CPSF1: variants seen among roughly 807,000 people sequenced by gnomAD.
CPSF1 encodes the protein cleavage and polyadenylation specific factor 1.
In CPSF1, 106 loss-of-function variants were observed where a neutral mutation model predicts 175.8. The ratio of observed to expected loss-of-function variants is 0.60; its 90% CI spans 0.52 to 0.71. CPSF1 has a LOEUF of 0.71. Among genes scored for constraint, CPSF1 ranks in the 30% least tolerant of loss-of-function variants. CPSF1 has a pLI of 0.00. For missense variants in CPSF1, 1,734 were observed against 2,022.9 expected, an observed-to-expected ratio of 0.86 and a Z score of 2.74; for synonymous variants, 1,024 against 858.3, an observed-to-expected ratio of 1.19 and a Z score of -3.37.
At chr8:144,407,217 CT>C (rs2116907794) in intron 2 of CPSF1, among the ~76,000 whole-genome samples, 414 of 138,300 alleles carry the variant, frequency 3.0e-3, no homozygotes, top group Non-Finnish European at 3.0e-3. Context: ...CGTGCCTGGC[CT>C]TTTTTTTTTT....
chr8:144,399,799 G>A lies in CPSF1; in HGVS notation c.1101C>T (p.Ala367=), dbSNP rs1554865731. The stretch of plus-strand genomic sequence containing the variant: ...AACTCACGCTGGTGGTGAGGACGCT[G>A]GCGGCCGCCTTGTCAAAGTGGAACG... ...VRAFHFDKAA[A]SVLTTSMVTM... is the part of the protein sequence containing the mutation. Residue 367 remains alanine (A), a synonymous_variant, in exon 11 of 38, where the codon GCC becomes GCT. Coordinates refer to ENST00000616140, the MANE Select transcript of CPSF1 (RefSeq NM_013291.3). This position sits in a 1 kb window ranked among gnomAD's most constrained non-coding sequence, Gnocchi z 6.4. 6.4e-7 allele frequency: 1 copy of A among 1,565,252 alleles called. No homozygotes were observed. Among genetic ancestry groups the A allele is most frequent in the South Asian group, 1.2e-5 (1 of 85,492 alleles).
chr8:144,397,138 C>A, intron 23 of CPSF1, 69 bp downstream of exon 23: 7 of 857,884 alleles, frequency 8.2e-6, no homozygotes, highest in Middle Eastern at 5.2e-4. Flanking sequence ...CGGGAAGGGG[C>A]GGGGCTGTGG....
intron 9 of CPSF1, 31 bp downstream of exon 9, chr8:144,400,135 G>GGGGGGGGCCCCCCCCCCCC: frequency 1.0e-5 from 9 of 895,994 alleles, no homozygotes; most frequent in Non-Finnish European, 1.4e-5. Context: ...CCGTCCCCGG[G>GGGGGGGGCCCCCCCCCCCC]CCCCCCCCGC....
rs1554862318 is a variant in CPSF1, at chr8:144,393,719, C to G, written c.4093G>C (p.Ala1365Pro). 6.4e-7 allele frequency: 1 copy of G among 1,569,648 alleles called. No homozygotes were observed. The highest frequency in any genetic ancestry group is 8.6e-7 in the Non-Finnish European group (1 of 1,164,484). The change falls in exon 36 of 38, where the codon GCG (alanine) becomes CCG (proline). Residue 1365 changes from alanine to proline, a missense_variant. Around this residue, in one of 10 missense-constraint regions of CPSF1, gnomAD observed 323 missense variants for 338.5 expected, o/e 0.95. Coordinates refer to ENST00000616140, the MANE Select transcript of CPSF1 (RefSeq NM_013291.3). ...TGGTGTGGCAGCATGGTGGTCAGCG[C>G]GTTCTGCAGCATCAGCAGCCGCCGG... The part of the protein sequence containing the change: ...TYRRLLMLQN[A>P]LTTMLPHHAG...
chr8:144,398,494 C>CAGGTCCCAGGTCCA, intron 18 of CPSF1, 31 bp downstream of exon 18: 1 of 1,611,298 alleles, frequency 6.2e-7, no homozygotes, highest in Non-Finnish European at 8.5e-7. Context: ...ACCCCAGCCC[C>CAGGTCCCAGGTCCA]AGGTCCCAGG....
rs376816034 is a variant in CPSF1 at position 144,397,264 on chromosome 8, G to A, written c.2535C>T (p.Leu845=). 7.7e-5 allele frequency: 120 copies of A among 1,550,044 alleles called. No individual in the cohort carries two copies. The East Asian group carries it at 9.7e-4, about 13-fold the overall frequency. ...GCGCCACCAGCAGCACCTCCTTGACGAGGGGCAGCTCCCCCTGGCGCGTGG... is the reference window on the plus strand; with the variant it reads ...GCGCCACCAGCAGCACCTCCTTGACAAGGGGCAGCTCCCCCTGGCGCGTGG... The part of the protein sequence containing the change: ...EEATRQGELP[L]VKEVLLVALG... Residue 845 remains leucine (L), a synonymous_variant, in exon 23 of 38, where the codon CTC becomes CTT. Coordinates refer to ENST00000616140, the MANE Select transcript of CPSF1 (RefSeq NM_013291.3).
Position 144,400,796 on chromosome 8 carries a change from G to A in CPSF1, c.561C>T (p.Pro187=), listed in dbSNP as rs2116878391. 6.2e-7 allele frequency: 1 copy of A among 1,613,790 alleles called. No homozygotes were observed. Among genetic ancestry groups the A allele is most frequent in the South Asian group, 1.1e-5 (1 of 91,036 alleles). ...GGGCCCGCACGTCGATGATGTAGCT[G>A]GGCAGGAAGCTGGACCTCTGCCTGG... ...VGEGQRSSFL[P]SYIIDVRALD... is the part of the protein sequence containing the mutation. The change falls in exon 7 of 38, where the codon CCC becomes CCT. Residue 187 remains proline (P), a synonymous_variant. Transcript: ENST00000616140.
Position 144,393,294 on chromosome 8 carries a change from C to G in CPSF1, c.*24G>C. The G allele has an allele frequency of 6.7e-7, 1 of 1,481,690 alleles. No individual in the cohort carries two copies. Among genetic ancestry groups the G allele is most frequent in the Non-Finnish European group, 9.0e-7 (1 of 1,109,668 alleles). The allele number at this position is 1,481,690 out of a possible 1,614,324, so 91.8% of individuals were successfully genotyped here. Reference sequence around the variant, plus strand: ...AGGGGGTGGGAGGTAGTTCCGTGTGCTGGTGGTGACGGCATCCACGGGGCT... The same window carrying G: ...AGGGGGTGGGAGGTAGTTCCGTGTGGTGGTGGTGACGGCATCCACGGGGCT... On this transcript the variant is annotated 3_prime_UTR_variant, in exon 38 of 38. Coordinates refer to ENST00000616140, the MANE Select transcript of CPSF1 (RefSeq NM_013291.3).
chr8:144,400,617 G>A, intron 7 of CPSF1, 54 bp downstream of exon 7: 1 of 1,594,128 alleles, frequency 6.3e-7, no homozygotes, highest in South Asian at 1.1e-5. Context: ...CCCCACCCCA[G>A]GCAGAGGCAG....
chr8:144,397,520 C>T lies in CPSF1; in HGVS notation c.2352G>A (p.Trp784Ter). ...TGCCATTCTCCCGCACCAGCAGGCA[C>T]CAGTGGGTAGGCTCTGCCCGGAAGG... Reference protein sequence around the residue: ...PAPFRAEPTHWCLLVRENGTM... With the variant: ...PAPFRAEPTH Residue 784 changes from tryptophan to a stop codon, truncating the protein, a stop_gained, in exon 22 of 38, where the codon TGG becomes TGA. Transcript: ENST00000616140. LOFTEE classifies it high-confidence loss of function. 1 of 1,583,332 alleles carries T rather than the reference C, an allele frequency of 6.3e-7. No homozygotes were observed. Among genetic ancestry groups the T allele is most frequent in the South Asian group, 1.1e-5 (1 of 87,408 alleles).
At chr8:144,408,724 C>T (rs1554869835) in intron 2 of CPSF1, among the ~76,000 whole-genome samples, 1 of 152,210 alleles carries the variant, frequency 6.6e-6, no homozygotes, top group Non-Finnish European at 1.5e-5. Context: ...ACCCAGCGCA[C>T]AGTGGGCGTT....
In CPSF1 at chr8:144,400,156, C is replaced by CCCCCCCCCCCCCA; in HGVS notation, c.937+9_937+10insTGGGGGGGGGGGG. The stretch of plus-strand genomic sequence containing the variant: ...CCGGGCCCCCCCCGCCCCAGCCACC[C>CCCCCCCCCCCCCA]CACACTCACGAAGCGGGAAAGCCGT... On this transcript the variant is annotated intron_variant, in intron 9 of 37. Coordinates refer to ENST00000616140, the MANE Select transcript of CPSF1 (RefSeq NM_013291.3). The CCCCCCCCCCCCCA allele has an allele frequency of 6.5e-7, 1 of 1,538,824 alleles. No homozygotes were observed.
At chr8:144,405,053 AAG>A (rs1265391407) in intron 2 of CPSF1, among the ~76,000 whole-genome samples, 1 of 74,220 alleles carries the variant, frequency 1.3e-5, no homozygotes, top group African/African-American at 5.5e-5. Flanking sequence ...TAAAAAAAAA[AAG>A]AGAAAGAAAG....
Position 144,397,244 on chromosome 8 carries a change from A to ACCAGCAGCACCT in CPSF1, c.2543_2554dup (p.Glu848_Leu851dup). 6.5e-7 allele frequency: 1 copy of ACCAGCAGCACCT among 1,549,650 alleles called. No homozygotes were observed. The highest frequency in any genetic ancestry group is 8.7e-7 in the Non-Finnish European group (1 of 1,147,350). On this transcript the variant is annotated inframe_insertion, in exon 23 of 38. Transcript: ENST00000616140. Reference sequence around the variant, plus strand: ...CCTGCTCTGGCGGCTGCCCAGCGCCACCAGCAGCACCTCCTTGACGAGGGG... The same window carrying ACCAGCAGCACCT: ...CCTGCTCTGGCGGCTGCCCAGCGCCACCAGCAGCACCTCCAGCAGCACCTCCTTGACGAGGGG...
At chr8:144,396,783 G>A (rs782511492) in intron 24 of CPSF1, 42 bp from the exon 25 acceptor site, 1 of 1,612,868 alleles carries the variant, frequency 6.2e-7, no homozygotes, top group Non-Finnish European at 8.5e-7. Flanking sequence ...CTGCCGGTCT[G>A]AAACCCACAC....
At position 144,399,570 on chromosome 8, in the gene CPSF1, T is replaced by C. The variant is rs2116864183; in HGVS notation, c.1242+18A>G. On this transcript the variant is annotated intron_variant, in intron 12 of 37. Coordinates refer to ENST00000616140, the MANE Select transcript of CPSF1 (RefSeq NM_013291.3). The surrounding 1 kb of genome is among the most constrained non-coding windows in gnomAD (Gnocchi z 6.4). ...GCCCACATGAAGGGTGGTGGCCCAA[T>C]GGGCCCAGGAAACCCACCTTGTCGG... 34 of 1,610,626 alleles carry C rather than the reference T, an allele frequency of 2.1e-5. No individual in the cohort carries two copies. In the Admixed American group the frequency reaches 2.5e-4, roughly 12 times the overall value.
chr8:144,398,041 C>T lies in CPSF1; in HGVS notation c.1986G>A (p.Glu662=), dbSNP rs1554864723. 1.9e-6 allele frequency: 3 copies of T among 1,612,348 alleles called. No individual in the cohort carries two copies. Among genetic ancestry groups the T allele is most frequent in the Admixed American group, 3.3e-5 (2 of 59,970 alleles). ...TCAGCAGGAACATGGTGACGTGGCC[C>T]TCGGCACTCATGATGACCACATAGG... ...ADPYVVIMSA[E]GHVTMFLLKS... The change falls in exon 20 of 38, where the codon GAG becomes GAA. Residue 662 remains glutamate, a synonymous_variant. Transcript: ENST00000616140.
At chr8:144,405,399 G>A (rs2116901720) in intron 2 of CPSF1, among the ~76,000 whole-genome samples, 75 of 152,304 alleles carry the variant, frequency 4.9e-4, no homozygotes, top group African/African-American at 1.8e-3. Context: ...AAGGCGGGTG[G>A]ATCACTTGAG....
Position 144,398,294 on chromosome 8 carries a change from C to G in CPSF1, c.1894+8G>C. ...GATGCCCAGGGCCCAACCACCCCCCCCACCTACCTCCTTCCAGCAGGCGGA... is the reference window on the plus strand; with the variant it reads ...GATGCCCAGGGCCCAACCACCCCCCGCACCTACCTCCTTCCAGCAGGCGGA... On this transcript the variant is annotated splice_region_variant and intron_variant, in intron 19 of 37. Transcript: ENST00000616140. 6.2e-7 allele frequency: 1 copy of G among 1,605,588 alleles called. No homozygotes were observed. Among genetic ancestry groups the G allele is most frequent in the South Asian group, 1.1e-5 (1 of 90,628 alleles).
Sources: gnomAD v4.1 joint callset for allele counts (sites outside exome capture counted in the v4.1 genomes callset) on GRCh38, gnomAD v4.1.1 for gene constraint, gnomAD v4.1.1 regional missense constraint, Gnocchi (gnomAD v3.1) non-coding constraint, MANE v1.5 for transcripts, NCBI Gene and HGNC (gene_info 2026-07-23, HGNC 2026-07-21) for gene names.